NRDC: variants seen among roughly 807,000 people sequenced by gnomAD.
NRDC encodes nardilysin convertase, also known as nardilysin.
NRDC carries 54 observed loss-of-function variants against 147.1 expected under a neutral mutation model. The observed-to-expected ratio is 0.37, with a 90% CI of 0.29 to 0.46. NRDC has a LOEUF of 0.46. Among genes scored for constraint, NRDC ranks in the 20% least tolerant of loss-of-function variants. NRDC has a pLI of 1.00. For synonymous variants in NRDC, 440 were observed against 482.1 expected (o/e 0.91, Z 1.14); for missense variants, 1,082 against 1,370.6 (o/e 0.79, Z 3.33).
intron 4 of NRDC, among the ~76,000 whole-genome samples, chr1:51,831,314 T>A (rs1224501024): frequency 6.6e-6 from 1 of 152,242 alleles, no homozygotes; most frequent in Non-Finnish European, 1.5e-5. Context: ...TAAAATCAGT[T>A]ATTTTTCCTT....
At chr1:51,858,095 G>C (rs78152492) in intron 1 of NRDC, among the ~76,000 whole-genome samples, 5,076 of 152,152 alleles carry the variant, frequency 0.033, 203 homozygotes, top group South Asian at 0.095. Flanking sequence ...AAAATGAGGG[G>C]TCCTGAATTA....
intron 3 of NRDC, among the ~76,000 whole-genome samples, chr1:51,835,884 C>T (rs1439476932): frequency 1.3e-5 from 2 of 152,228 alleles, no homozygotes; most frequent in Non-Finnish European, 2.9e-5. Context: ...TTGGCCTTAA[C>T]ATAGCTCAAC....
intron 1 of NRDC, among the ~76,000 whole-genome samples, chr1:51,868,645 A>G (rs1317531612): frequency 1.3e-5 from 2 of 152,166 alleles, no homozygotes; most frequent in Non-Finnish European, 2.9e-5. Flanking sequence ...AGATGAAGGC[A>G]GGAGGATCAC....
At chr1:51,797,531 C>T (rs1678986830) in intron 22 of NRDC, among the ~76,000 whole-genome samples, 1 of 152,144 alleles carries the variant, frequency 6.6e-6, no homozygotes. Flanking sequence ...AGCACCTTAG[C>T]TTCACAAACA....
intron 4 of NRDC, among the ~76,000 whole-genome samples, chr1:51,832,621 TTTTTCTAC>T (rs1225724801): frequency 6.6e-6 from 1 of 152,202 alleles, no homozygotes; most frequent in African/African-American, 2.4e-5. Flanking sequence ...AGGTATAACT[TTTTTCTAC>T]TTTTCTACTT....
chr1:51,810,667 A>G (rs1325374003), intron 15 of NRDC, among the ~76,000 whole-genome samples: 1 of 152,240 alleles, frequency 6.6e-6, no homozygotes, highest in Non-Finnish European at 1.5e-5. Flanking sequence ...ACATATTAAC[A>G]GCATTAGCAG....
At chr1:51,869,816 AC>A (rs1244079944) in intron 1 of NRDC, among the ~76,000 whole-genome samples, 11 of 152,320 alleles carry the variant, frequency 7.2e-5, no homozygotes, top group African/African-American at 2.6e-4. Context: ...ATATCAGCAT[AC>A]GCATTTGTAG....
intron 28 of NRDC, 53 bp downstream of exon 28, chr1:51,790,847 T>A: frequency 6.9e-7 from 1 of 1,455,386 alleles, no homozygotes; most frequent in Non-Finnish European, 9.5e-7. Flanking sequence ...TTAAGATTTG[T>A]ATCTGGGGGC....
intron 17 of NRDC, among the ~76,000 whole-genome samples, chr1:51,807,391 A>C (rs1472690037): frequency 6.6e-6 from 1 of 152,212 alleles, no homozygotes; most frequent in African/African-American, 2.4e-5. Flanking sequence ...TTAAAATTTG[A>C]GTACTTGCTA....
chr1:51,847,846 A>G (rs1417133641), intron 1 of NRDC, among the ~76,000 whole-genome samples: 1 of 152,256 alleles, frequency 6.6e-6, no homozygotes, highest in African/African-American at 2.4e-5. Context: ...GAGCCCCTCA[A>G]GCACAGCCAG....
In NRDC at chr1:51,792,437, G is replaced by A; in HGVS notation, c.2776-13C>T. 2 of 1,613,732 alleles carry A rather than the reference G, an allele frequency of 1.2e-6. No homozygotes were observed. The highest frequency in any genetic ancestry group is 1.7e-5 in the Admixed American group (1 of 60,022). ...TCCTGGTACCTGACTGAAAAGAGAA[G>A]GTTGTCAGGCCAACTGAATATCCAG... is the stretch of plus-strand genomic sequence containing the variant. On this transcript the variant is annotated splice_polypyrimidine_tract_variant and intron_variant, in intron 24 of 30. Coordinates refer to ENST00000352171, the MANE Select transcript of NRDC (RefSeq NM_001101662.2).
intron 1 of NRDC, among the ~76,000 whole-genome samples, chr1:51,847,605 G>A (rs773652806): frequency 2.0e-4 from 31 of 152,202 alleles, no homozygotes; most frequent in Non-Finnish European, 3.7e-4. Context: ...CGCACCCTCC[G>A]CAGCTGCTGG....
At chr1:51,847,294 C>T (rs1410286323) in intron 1 of NRDC, among the ~76,000 whole-genome samples, 1 of 152,260 alleles carries the variant, frequency 6.6e-6, no homozygotes, top group Non-Finnish European at 1.5e-5. Context: ...CCCCACTAGA[C>T]TCAGGATCCC....
Position 51,798,295 on chromosome 1 carries a change from G to T in NRDC, c.2558C>A (p.Ser853Tyr), listed in dbSNP as rs1679025478. Reference sequence around the variant, plus strand: ...TACCAGGCCCTCCACAAAGAGCTGGGATTTGAATTCTTTGACGAAGCTCAG... The same window carrying T: ...TACCAGGCCCTCCACAAAGAGCTGGTATTTGAATTCTTTGACGAAGCTCAG... ...SLLSFVKEFK[S>Y]QLFVEGLVQG... is the part of the protein sequence containing the mutation. Residue 853 changes from serine to tyrosine, a missense_variant, in exon 22 of 31, where the codon TCC becomes TAC. Ser to Tyr is a moderately radical substitution (Grantham distance 144). Around this residue, in one of 3 missense-constraint regions of NRDC, gnomAD observed 635 missense variants for 923.8 expected, o/e 0.69. Transcript: ENST00000352171. The T allele has an allele frequency of 1.9e-6, 3 of 1,614,122 alleles. No homozygotes were observed. Among genetic ancestry groups the T allele is most frequent in the East Asian group, 4.5e-5 (2 of 44,888 alleles).
chr1:51,798,351 A>G lies in NRDC; in HGVS notation c.2502T>C (p.Ala834=). 6 of 1,614,118 alleles carry G rather than the reference A, an allele frequency of 3.7e-6. No homozygotes were observed. The highest frequency in any genetic ancestry group is 5.1e-6 in the Non-Finnish European group (6 of 1,179,952). ...ACTCAAGGGAAAGGCCGTCCATCAA[A>G]GCCTGGTACTTGTCAATCATAGACC... is the stretch of plus-strand genomic sequence containing the variant. ...ARWSMIDKYQ[A]LMDGLSLESL... is the part of the protein sequence containing the mutation. Residue 834 remains alanine (A), a synonymous_variant, in exon 22 of 31, where the codon GCT becomes GCC. Coordinates refer to ENST00000352171, the MANE Select transcript of NRDC (RefSeq NM_001101662.2).
intron 22 of NRDC, 66 bp from the exon 23 acceptor site, chr1:51,794,920 A>G: frequency 6.2e-7 from 1 of 1,604,794 alleles, no homozygotes; most frequent in Non-Finnish European, 8.5e-7. Flanking sequence ...GAATCAGCTA[A>G]TATCAATGTT....
In NRDC at chr1:51,800,687, A is replaced by C. The variant is rs751076766; in HGVS notation, c.2314-4T>G. On this transcript the variant is annotated splice_polypyrimidine_tract_variant and splice_region_variant and intron_variant, in intron 20 of 30. Transcript: ENST00000352171. ...CAATAATGAGCTGAAACAGTAGCTA[A>C]AAGAAAAAGAAGGAAGCATTTTAAG... 3 of 1,610,162 alleles carry C rather than the reference A, an allele frequency of 1.9e-6. No individual in the cohort carries two copies. The Admixed American group carries it at 5.1e-5, about 27-fold the overall frequency.
rs149371581 is a variant in NRDC, at chr1:51,839,890, C to T, written c.630+336G>A. On this transcript the variant is annotated intron_variant, in intron 2 of 30. Transcript: ENST00000352171. ...CTAATCCAGGCTAAGAATTCTGCAG[C>T]TCCTCATCTACCAGTATTTGTTTTT... The T allele has an allele frequency of 4.3e-3, 711 of 165,532 alleles. 16 individuals are homozygous for T. Among genetic ancestry groups the T allele is most frequent in the East Asian group, 0.036 (201 of 5,624 alleles). The allele number at this position is 165,532 out of a possible 1,614,324, so 10.3% of individuals were successfully genotyped here.
At chr1:51,800,423 C>G (rs1341594629) in intron 21 of NRDC, 133 bp downstream of exon 21, 1 of 1,018,232 alleles carries the variant, frequency 9.8e-7, no homozygotes, top group African/African-American at 1.6e-5. Context: ...GCACGGGTCT[C>G]CTAAACTAGA....
Sources: allele counts gnomAD v4.1 joint callset (sites outside exome capture counted in the v4.1 genomes callset), GRCh38; gene constraint gnomAD v4.1.1; regional missense constraint gnomAD v4.1.1; transcripts MANE v1.5; gene names NCBI Gene and HGNC (gene_info 2026-07-23, HGNC 2026-07-21).